EDA: variants seen among roughly 807,000 people sequenced by gnomAD.
The protein encoded by EDA is ectodysplasin A.
A neutral mutation model predicts 23.6 loss-of-function variants in EDA; 2 were observed. The observed-to-expected ratio is 0.08, with a 90% CI of 0.03 to 0.27. EDA has a LOEUF of 0.27. Among genes scored for constraint, EDA ranks in the 10% least tolerant of loss-of-function variants. EDA has a pLI of 1.00. For missense variants in EDA, 229 were observed against 324.2 expected (o/e 0.71, Z 2.26); for synonymous variants, 131 against 132.0 (o/e 0.99, Z 0.05).
intron 1 of EDA, among the ~76,000 whole-genome samples, chrX:69,762,948 C>T (rs772395051): frequency 2.5e-4 from 28 of 112,148 alleles, no homozygotes; most frequent in African/African-American, 8.1e-4. Flanking sequence ...GAAATATCCT[C>T]ATGTCACCTT....
intron 1 of EDA, among the ~76,000 whole-genome samples, chrX:69,882,806 G>A (rs1165121960): frequency 9.0e-5 from 10 of 111,085 alleles, no homozygotes; most frequent in African/African-American, 2.9e-4. Flanking sequence ...GGGTTCAAGC[G>A]ATTCTCCTGC....
At chrX:69,711,322 C>G (rs2012018939) in intron 1 of EDA, among the ~76,000 whole-genome samples, 1 of 111,565 alleles carries the variant, frequency 9.0e-6, no homozygotes. Context: ...TTGAACCAGC[C>G]TTGCATCCCA....
intron 1 of EDA, among the ~76,000 whole-genome samples, chrX:69,839,465 A>T (rs2016849750): frequency 8.9e-6 from 1 of 112,342 alleles, no homozygotes; most frequent in African/African-American, 3.2e-5. Flanking sequence ...GAAAGATGGT[A>T]CAATCTTTGC....
intron 2 of EDA, among the ~76,000 whole-genome samples, chrX:69,962,476 G>A (rs754961605): frequency 2.7e-5 from 3 of 112,141 alleles, no homozygotes; most frequent in African/African-American, 9.7e-5. Context: ...CTGTCACGCA[G>A]GCTGGAGTGC....
chrX:69,651,157 G>A (rs942420715), intron 1 of EDA, among the ~76,000 whole-genome samples: 1 of 111,469 alleles, frequency 9.0e-6, no homozygotes, highest in Non-Finnish European at 1.9e-5. Flanking sequence ...ATGAGTAGAG[G>A]GCATGTTGGT....
At chrX:69,708,424 A>G (rs1377565741) in intron 1 of EDA, among the ~76,000 whole-genome samples, 1 of 111,250 alleles carries the variant, frequency 9.0e-6, no homozygotes, top group Non-Finnish European at 1.9e-5. Flanking sequence ...GTTTTTATGT[A>G]CGTAGGTTTT....
At chrX:69,740,503 G>A (rs1186868515) in intron 1 of EDA, among the ~76,000 whole-genome samples, 1 of 110,948 alleles carries the variant, frequency 9.0e-6, no homozygotes, top group Admixed American at 9.5e-5. Flanking sequence ...GTCTCTAATG[G>A]GAAGTCAGCT....
At chrX:69,722,092 A>G (rs767511143) in intron 1 of EDA, among the ~76,000 whole-genome samples, 2 of 111,856 alleles carry the variant, frequency 1.8e-5, no homozygotes, top group Non-Finnish European at 3.8e-5. Context: ...GTATCCTGGA[A>G]CTTATCCTAG....
chrX:70,016,764 G>T (rs2019956619), intron 2 of EDA, among the ~76,000 whole-genome samples: 1 of 111,673 alleles, frequency 9.0e-6, no homozygotes, highest in African/African-American at 3.3e-5. Context: ...AAGTTAGAAA[G>T]ATCTCAGATT....
rs61359129 is a variant in EDA, at chrX:70,016,815, A to T, written c.503-6403A>T. 4.8e-3 allele frequency among the ~76,000 whole-genome samples: 539 copies of T among 111,947 alleles called. 4 individuals carry two copies. The highest frequency in any genetic ancestry group is 0.016 in the African/African-American group (502 of 30,824). On this transcript the variant is annotated intron_variant, in intron 2 of 7. Coordinates refer to ENST00000374552, the MANE Select transcript of EDA (RefSeq NM_001399.5). The stretch of plus-strand genomic sequence containing the variant: ...CACTTTGAGGAACTAGAAAAACAAG[A>T]GCAAACCAACCCCATACTAGCGGAA...
intron 1 of EDA, among the ~76,000 whole-genome samples, chrX:69,730,078 A>C (rs933391581): frequency 3.6e-5 from 4 of 111,141 alleles, no homozygotes; most frequent in African/African-American, 1.3e-4. Flanking sequence ...TGCCCAGGCC[A>C]GTCTCGAGCT....
chrX:69,973,905 A>T (rs1374860462), intron 2 of EDA, among the ~76,000 whole-genome samples: 3 of 111,289 alleles, frequency 2.7e-5, no homozygotes, highest in African/African-American at 9.8e-5. Context: ...AACGTATTTA[A>T]GAAGCAAGTC....
intron 1 of EDA, among the ~76,000 whole-genome samples, chrX:69,859,989 A>AT (rs144702355): frequency 0.12 from 12,459 of 100,639 alleles, 1,196 homozygotes; most frequent in East Asian, 0.6. Flanking sequence ...CCTTCCTTGT[A>AT]TTTTTTTTTT....
intron 1 of EDA, among the ~76,000 whole-genome samples, chrX:69,668,391 G>T (rs1471261780): frequency 9.0e-6 from 1 of 111,663 alleles, no homozygotes; most frequent in Non-Finnish European, 1.9e-5. Flanking sequence ...GCCTATCCTG[G>T]AGAATGTTCC....
At chrX:69,674,065 A>G (rs1933996263) in intron 1 of EDA, among the ~76,000 whole-genome samples, 1 of 111,305 alleles carries the variant, frequency 9.0e-6, no homozygotes, top group Admixed American at 9.6e-5. Flanking sequence ...ATTTATTGAA[A>G]ACAGCTAATT....
At chrX:70,031,272 T>G (rs1324506306) in intron 6 of EDA, among the ~76,000 whole-genome samples, 2 of 112,218 alleles carry the variant, frequency 1.8e-5, no homozygotes, top group African/African-American at 3.2e-5. Flanking sequence ...GTCAAGTTAG[T>G]TTAGGAGCCA....
chrX:69,906,373 G>C (rs2018176935), intron 1 of EDA, among the ~76,000 whole-genome samples: 1 of 112,515 alleles, frequency 8.9e-6, no homozygotes, highest in Non-Finnish European at 1.9e-5. Flanking sequence ...ATCATAAATA[G>C]TAAGAGGAAT....
chrX:69,724,956 A>G (rs1171505220), intron 1 of EDA, among the ~76,000 whole-genome samples: 1 of 112,319 alleles, frequency 8.9e-6, no homozygotes, highest in African/African-American at 3.2e-5. Context: ...CATAGTATCT[A>G]CTATAATGTT....
chrX:69,711,372 A>G (rs957502563), intron 1 of EDA, among the ~76,000 whole-genome samples: 1 of 111,320 alleles, frequency 9.0e-6, no homozygotes, highest in Non-Finnish European at 1.9e-5. Context: ...AAGCTTTTTG[A>G]TGTGCTGCTG....
Sources: allele counts gnomAD v4.1 joint callset (sites outside exome capture counted in the v4.1 genomes callset), GRCh38; gene constraint gnomAD v4.1.1; transcripts MANE v1.5; gene names NCBI Gene and HGNC (gene_info 2026-07-23, HGNC 2026-07-21).